The following PDE4D variants were observed in gnomAD, a reference collection of about 807,000 sequenced individuals.
PDE4D encodes phosphodiesterase 4D.
PDE4D carries 24 observed loss-of-function variants against 87.4 expected under a neutral mutation model. That is an observed-to-expected ratio of 0.27 (90% CI 0.20 to 0.39). The LOEUF (loss-of-function observed/expected upper bound fraction) is 0.39. PDE4D is among the 10% of genes least tolerant of loss of function. PDE4D has a pLI of 1.00. For synonymous variants in PDE4D, 384 were observed against 383.2 expected, an observed-to-expected ratio of 1.00 and a Z score of -0.02; for missense variants, 714 against 1,041.0, an observed-to-expected ratio of 0.69 and a Z score of 4.32.
rs142553978 is a variant in PDE4D, at chr5:59,495,813, T to C, written c.456-279845A>G. Among the ~76,000 whole-genome samples, 141 of 152,184 alleles carry C rather than the reference T, an allele frequency of 9.3e-4. 1 individual carries two copies. The highest frequency in any genetic ancestry group is 3.2e-3 in the African/African-American group (131 of 41,522). ...TCTTCAGTGCCCTGCTGCTCGTACC[T>C]CTAGGGGAGCATGCAGGTTGTGGGG... On this transcript the variant is annotated intron_variant, in intron 1 of 14. Coordinates refer to ENST00000340635, the MANE Select transcript of PDE4D (RefSeq NM_001104631.2).
intron 1 of PDE4D, among the ~76,000 whole-genome samples, chr5:59,873,900 A>C (rs1277423285): frequency 6.6e-6 from 1 of 152,226 alleles, no homozygotes; most frequent in East Asian, 1.9e-4. Context: ...TCTATTGTTA[A>C]TAATTGCATA....
intron 1 of PDE4D, among the ~76,000 whole-genome samples, chr5:59,740,507 G>T (rs145303719): frequency 6.6e-6 from 1 of 152,088 alleles, no homozygotes; most frequent in African/African-American, 2.4e-5. Flanking sequence ...GCACAATCAC[G>T]TGGAATTCAT....
chr5:59,170,536 A>G (rs1782596071), intron 5 of PDE4D, among the ~76,000 whole-genome samples: 1 of 152,170 alleles, frequency 6.6e-6, no homozygotes, highest in Admixed American at 6.5e-5. Context: ...CTGAGAAATA[A>G]CATGTTTGTC....
intron 1 of PDE4D, among the ~76,000 whole-genome samples, chr5:60,251,270 T>C (rs1440564145): frequency 6.6e-6 from 1 of 151,622 alleles, no homozygotes; most frequent in East Asian, 2.0e-4. Flanking sequence ...AGTAGACTCA[T>C]GTCATGGGGG....
chr5:59,723,927 T>C (rs1049749461), intron 1 of PDE4D, among the ~76,000 whole-genome samples: 5 of 152,082 alleles, frequency 3.3e-5, no homozygotes, highest in African/African-American at 1.2e-4. Flanking sequence ...GGAGCATTCA[T>C]TGAGGTTTTC....
intron 1 of PDE4D, among the ~76,000 whole-genome samples, chr5:60,463,108 AAGATAAAT>A (rs1323361717): frequency 6.6e-6 from 1 of 152,190 alleles, no homozygotes; most frequent in Non-Finnish European, 1.5e-5. Flanking sequence ...TAGAAAATCA[AAGATAAAT>A]AGTATATGGA....
chr5:59,097,257 T>C (rs1319069132), intron 5 of PDE4D, among the ~76,000 whole-genome samples: 3 of 152,222 alleles, frequency 2.0e-5, no homozygotes, highest in Admixed American at 2.0e-4. Context: ...CAAGACTGTT[T>C]GGGTAATTTA....
At chr5:59,486,259 G>T (rs1582822874) in intron 1 of PDE4D, among the ~76,000 whole-genome samples, 2 of 152,066 alleles carry the variant, frequency 1.3e-5, no homozygotes, top group Admixed American at 1.3e-4. Flanking sequence ...TTGATTCCTT[G>T]GCTCCACCCT....
intron 5 of PDE4D, among the ~76,000 whole-genome samples, chr5:59,112,143 T>A (rs775669268): frequency 4.6e-5 from 7 of 151,982 alleles, no homozygotes; most frequent in Admixed American, 3.3e-4. Flanking sequence ...CTTAAAGCAA[T>A]GGAATTGGCC....
chr5:59,238,477 T>A (rs962491571), intron 1 of PDE4D, among the ~76,000 whole-genome samples: 1 of 152,144 alleles, frequency 6.6e-6, no homozygotes, highest in Non-Finnish European at 1.5e-5. Context: ...TAATGAAGCA[T>A]CAGCTCTTAT....
intron 5 of PDE4D, among the ~76,000 whole-genome samples, chr5:59,151,789 G>A (rs1019690851): frequency 2.0e-5 from 3 of 152,138 alleles, no homozygotes; most frequent in Admixed American, 2.0e-4. Flanking sequence ...GAATGAGGGA[G>A]CATGATGAAG....
At chr5:60,074,899 C>T (rs117172249) in intron 2 of PDE4D, among the ~76,000 whole-genome samples, 7 of 152,080 alleles carry the variant, frequency 4.6e-5, no homozygotes, top group East Asian at 1.9e-4. Context: ...TGGGTGTCAC[C>T]GCATATGAGA....
intron 5 of PDE4D, among the ~76,000 whole-genome samples, chr5:59,140,710 A>G (rs909191632): frequency 6.6e-6 from 1 of 152,224 alleles, no homozygotes; most frequent in Non-Finnish European, 1.5e-5. Context: ...TCTGTATTCA[A>G]GTAGATACAA....
intron 1 of PDE4D, among the ~76,000 whole-genome samples, chr5:59,488,349 G>A (rs985445534): frequency 3.3e-5 from 5 of 152,106 alleles, no homozygotes; most frequent in African/African-American, 4.8e-5. Flanking sequence ...GAAGCAAGCC[G>A]AGAAAGAAAT....
At chr5:59,061,304 A>G (rs1448234259) in intron 5 of PDE4D, among the ~76,000 whole-genome samples, 1 of 152,168 alleles carries the variant, frequency 6.6e-6, no homozygotes, top group African/African-American at 2.4e-5. Flanking sequence ...GTCGGAGCAC[A>G]AACACCTCTG....
At chr5:59,430,540 G>T in intron 1 of PDE4D, 1 of 665,108 alleles carries the variant, frequency 1.5e-6, no homozygotes, top group Non-Finnish European at 2.1e-6. Context: ...GTTGCCCGGT[G>T]CTTCTTTGCT....
At chr5:59,326,899 A>G in intron 1 of PDE4D, among the ~76,000 whole-genome samples, 1 of 152,174 alleles carries the variant, frequency 6.6e-6, no homozygotes, top group South Asian at 2.1e-4. Flanking sequence ...TTTCCCCAAT[A>G]GATTCCAAAG....
chr5:59,469,795 C>T (rs910916762), intron 1 of PDE4D, among the ~76,000 whole-genome samples: 2 of 152,112 alleles, frequency 1.3e-5, no homozygotes, highest in Non-Finnish European at 2.9e-5. Flanking sequence ...AGAACATCCA[C>T]GTGCTGATAG....
intron 1 of PDE4D, among the ~76,000 whole-genome samples, chr5:60,424,379 T>A (rs571207537): frequency 4.6e-4 from 70 of 152,328 alleles, no homozygotes; most frequent in African/African-American, 1.6e-3. Context: ...TGGTTCAACA[T>A]GCTCAAATCA....
Sources: gnomAD v4.1 joint callset for allele counts (sites outside exome capture counted in the v4.1 genomes callset) on GRCh38, gnomAD v4.1.1 for gene constraint, MANE v1.5 for transcripts, NCBI Gene and HGNC (gene_info 2026-07-23, HGNC 2026-07-21) for gene names.